Variants in ZDHHC6 observed in about 807,000 individuals in gnomAD.
ZDHHC6 encodes the protein palmitoyltransferase ZDHHC6.
Under a neutral mutation model 57.8 loss-of-function variants are expected in ZDHHC6, and 32 were observed. That is an observed-to-expected ratio of 0.55 (90% CI 0.42 to 0.74). The LOEUF (loss-of-function observed/expected upper bound fraction) is 0.74, where lower values mean the gene tolerates loss of function less well. Among genes scored for constraint, ZDHHC6 ranks in the 30% least tolerant of loss-of-function variants. The pLI, the probability that ZDHHC6 is intolerant of heterozygous loss-of-function variation, is 0.00. For missense variants in ZDHHC6, 433 were observed against 500.7 expected, an observed-to-expected ratio of 0.86 and a Z score of 1.29; for synonymous variants, 128 against 158.0, an observed-to-expected ratio of 0.81 and a Z score of 1.42.
In ZDHHC6 at chr10:112,430,885, C is replaced by CCAA; in HGVS notation, c.1158_1160dup (p.Gly386_Trp387insCys). On this transcript the variant is annotated inframe_insertion, in exon 11 of 11. Coordinates refer to ENST00000369405, the MANE Select transcript of ZDHHC6 (RefSeq NM_022494.3). ...ACTTTTCCACACATTTTCTAGGGAA[C>CCAA]CAACCCCTTATTCTTGAAACACCTG... The CCAA allele has an allele frequency of 1.2e-6, 2 of 1,613,646 alleles. No homozygotes were observed. Among genetic ancestry groups the CCAA allele is most frequent in the Non-Finnish European group, 1.7e-6 (2 of 1,179,770 alleles).
intron 5 of ZDHHC6, among the ~76,000 whole-genome samples, chr10:112,439,311 T>C (rs1845843528): frequency 6.6e-6 from 1 of 152,138 alleles, no homozygotes; most frequent in Admixed American, 6.5e-5. Flanking sequence ...AATGAATGAA[T>C]GAATTACGTG....
chr10:112,434,357 G>C lies in ZDHHC6; in HGVS notation c.843C>G (p.Val281=). The change falls in exon 7 of 11, where the codon GTC becomes GTG. Residue 281 remains valine, a synonymous_variant. Coordinates refer to ENST00000369405, the MANE Select transcript of ZDHHC6 (RefSeq NM_022494.3). ...NFKQVFTWSG[V]PEGDGLEWPV... is the part of the protein sequence containing the mutation. ...GCCACTCAAGTCCATCTCCTTCAGG[G>C]ACCCCTGACCACGTAAATACCTGTT... 1 of 1,613,656 alleles carries C rather than the reference G, an allele frequency of 6.2e-7. No individual in the cohort carries two copies. The highest frequency in any genetic ancestry group is 1.1e-5 in the South Asian group (1 of 91,018).
chr10:112,438,273 G>T, intron 6 of ZDHHC6, 63 bp downstream of exon 6: 2 of 1,107,928 alleles, frequency 1.8e-6, no homozygotes, highest in South Asian at 2.2e-5. Flanking sequence ...TAATATTCAG[G>T]ACTTTACCAG....
chr10:112,445,257 CATGATGAAATTCACACTTCCTCCAGTTGT>C lies in ZDHHC6; in HGVS notation c.151_179del (p.Thr51ValfsTer11). 1 of 1,614,180 alleles carries C rather than the reference CATGATGAAATTCACACTTCCTCCAGTTGT, an allele frequency of 6.2e-7. No individual in the cohort carries two copies. The highest frequency in any genetic ancestry group is 8.5e-7 in the Non-Finnish European group (1 of 1,180,034). ...GAATCATGACAGTCCAATTTATCAA[CATGATGAAATTCACACTTCCTCCAGTTGT>C]ATGTAAGGGCCAATACCACAACACA... On this transcript the variant is annotated frameshift_variant, in exon 2 of 11. Coordinates refer to ENST00000369405, the MANE Select transcript of ZDHHC6 (RefSeq NM_022494.3). LOFTEE classifies it high-confidence loss of function.
chr10:112,434,154 G>A (rs1337415718), intron 7 of ZDHHC6, 143 bp downstream of exon 7: 1 of 763,976 alleles, frequency 1.3e-6, no homozygotes, highest in Non-Finnish European at 2.0e-6. Flanking sequence ...TACAAGGAGT[G>A]CTTTAGAATT....
At chr10:112,428,512 A>G (rs958618736), downstream of ZDHHC6, 12 of 398,034 alleles carry the variant, frequency 3.0e-5, no homozygotes, top group Non-Finnish European at 4.9e-5. Flanking sequence ...TTAAAAAGAC[A>G]CTAATGCCCA....
chr10:112,443,567 C>T lies in ZDHHC6; in HGVS notation c.307G>A (p.Val103Ile). ...CGTGGTGCCTTGTATGCTTGGCAGA[C>T]TTTACAATACTGGAGATACATGGTA... is the stretch of plus-strand genomic sequence containing the variant. The part of the protein sequence containing the change: ...QDTMYLQYCK[V>I]CQAYKAPRSH... Residue 103 changes from valine (V) to isoleucine (I), a missense_variant, in exon 3 of 11, where the codon GTC becomes ATC. By Grantham distance (29) the Val-to-Ile change is conservative. Coordinates refer to ENST00000369405, the MANE Select transcript of ZDHHC6 (RefSeq NM_022494.3). The T allele has an allele frequency of 6.2e-7, 1 of 1,613,774 alleles. No homozygotes were observed. Among genetic ancestry groups the T allele is most frequent in the Non-Finnish European group, 8.5e-7 (1 of 1,179,844 alleles).
At chr10:112,434,233 G>A in intron 7 of ZDHHC6, 64 bp downstream of exon 7, 1 of 1,441,258 alleles carries the variant, frequency 6.9e-7, no homozygotes, top group Non-Finnish European at 9.3e-7. Flanking sequence ...CACTTGAGTT[G>A]AGGGGGAGTT....
chr10:112,430,926 T>C lies in ZDHHC6; in HGVS notation c.1139-19A>G, dbSNP rs770527795. The C allele has an allele frequency of 3.1e-6, 5 of 1,601,600 alleles. No homozygotes were observed. In the African/African-American group the frequency reaches 4.0e-5, roughly 13 times the overall value. On this transcript the variant is annotated intron_variant, in intron 10 of 10. Transcript: ENST00000369405. ...GAAACACCTGAGGGAGAAAATGAAA[T>C]TGAGGTGAAATAGTCTGATGGATGA...
chr10:112,430,041 T>C (rs1003609315), downstream of ZDHHC6, among the ~76,000 whole-genome samples: 1 of 152,276 alleles, frequency 6.6e-6, no homozygotes, highest in South Asian at 2.1e-4. Context: ...CAGCCACGGC[T>C]GGACAGCTGT....
chr10:112,441,415 G>T (rs1294253694), intron 4 of ZDHHC6, among the ~76,000 whole-genome samples: 1 of 152,174 alleles, frequency 6.6e-6, no homozygotes, highest in Admixed American at 6.5e-5. Flanking sequence ...TTTACAAATG[G>T]TGATGAAGAA....
chr10:112,430,866 C>T lies in ZDHHC6; in HGVS notation c.1180G>A (p.Glu394Lys). The T allele has an allele frequency of 1.2e-6, 2 of 1,613,890 alleles. No individual in the cohort carries two copies. Among genetic ancestry groups the T allele is most frequent in the South Asian group, 1.1e-5 (1 of 91,014 alleles). Reference protein sequence around the residue: ...IRGWFPRKCVEKCPCDAETDQ... With the variant: ...IRGWFPRKCVKKCPCDAETDQ... ...GTTTCAGCATCACAGGGACACTTTT[C>T]CACACATTTTCTAGGGAACCAACCC... is the stretch of plus-strand genomic sequence containing the variant. Residue 394 changes from glutamate to lysine, a missense_variant, in exon 11 of 11, where the codon GAA (glutamate) becomes AAA (lysine). Transcript: ENST00000369405.
At chr10:112,426,847 A>G (rs148706820), downstream of ZDHHC6, 4 of 1,613,544 alleles carry the variant, frequency 2.5e-6, no homozygotes, top group South Asian at 3.3e-5. Context: ...GTGGCCTTAA[A>G]ACTTTTGAAC....
intron 10 of ZDHHC6, 44 bp downstream of exon 10, chr10:112,432,196 T>G (rs762074976): frequency 1.3e-6 from 2 of 1,552,624 alleles, no homozygotes; most frequent in Non-Finnish European, 1.7e-6. Context: ...TTGGAATTAT[T>G]GCTAATAGTC....
In ZDHHC6 at chr10:112,446,869, T is replaced by C. The variant is rs936932993; in HGVS notation, c.-379A>G. Reference sequence around the variant, plus strand: ...CAGCGAGAGGCTGGAGTGCGGGACCTGCTACAAGCCGAGCACCTCTCGGCC... The same window carrying C: ...CAGCGAGAGGCTGGAGTGCGGGACCCGCTACAAGCCGAGCACCTCTCGGCC... On this transcript the variant is annotated 5_prime_UTR_variant, in exon 1 of 11. Coordinates refer to ENST00000369405, the MANE Select transcript of ZDHHC6 (RefSeq NM_022494.3). The C allele has an allele frequency of 3.3e-5, 6 of 182,110 alleles. No homozygotes were observed. Among genetic ancestry groups the C allele is most frequent in the Admixed American group, 1.2e-4 (2 of 16,480 alleles). The allele number at this position is 182,110 out of a possible 1,614,324, so 11.3% of individuals were successfully genotyped here. A position where few individuals can be genotyped will look rare whatever the true frequency, so the allele number is the denominator to read the frequency against.
Position 112,432,036 on chromosome 10 carries a change from T to C in ZDHHC6, c.1138+204A>G, listed in dbSNP as rs1408620900. 2.6e-5 allele frequency among the ~76,000 whole-genome samples: 4 copies of C among 152,328 alleles called. No homozygotes were observed. In the South Asian group the frequency reaches 6.2e-4, roughly 24 times the overall value. ...CTTTTCGCATAGTTATGAGCTCAAA[T>C]GTTAGCTATCATTAAAAAGACCTGA... On this transcript the variant is annotated intron_variant, in intron 10 of 10. Transcript: ENST00000369405.
chr10:112,426,899 A>G (rs1198003239), downstream of ZDHHC6: 2 of 1,511,602 alleles, frequency 1.3e-6, no homozygotes, highest in Non-Finnish European at 1.8e-6. Flanking sequence ...CTCTTGTCAG[A>G]AAGTTTTGTT....
chr10:112,438,180 C>T (rs916625519), intron 6 of ZDHHC6, among the ~76,000 whole-genome samples, 156 bp downstream of exon 6: 1 of 152,208 alleles, frequency 6.6e-6, no homozygotes, highest in African/African-American at 2.4e-5. Flanking sequence ...ATGTGGCATG[C>T]AAATGACTTA....
Position 112,432,386 on chromosome 10 carries a change from T to C in ZDHHC6, c.1081A>G (p.Arg361Gly). The C allele has an allele frequency of 4.3e-6, 7 of 1,614,164 alleles. No homozygotes were observed. Among genetic ancestry groups the C allele is most frequent in the Non-Finnish European group, 5.9e-6 (7 of 1,180,018 alleles). The change falls in exon 9 of 11, where the codon AGA becomes GGA. Residue 361 changes from arginine (R) to glycine (G), a missense_variant. Transcript: ENST00000369405. The stretch of plus-strand genomic sequence containing the variant: ...CTTCCTATTACTTACCGTAAACCTC[T>C]TGTGGCTAAAATGAATTCCCCTTTT... Reference protein sequence around the residue: ...LQKGEFILATRGLRYWLYGDK... With the variant: ...LQKGEFILATGGLRYWLYGDK...
Sources: gnomAD v4.1 joint callset for allele counts (sites outside exome capture counted in the v4.1 genomes callset) on GRCh38, gnomAD v4.1.1 for gene constraint, MANE v1.5 for transcripts, NCBI Gene and HGNC (gene_info 2026-07-23, HGNC 2026-07-21) for gene names.